PSD3: variants seen among roughly 807,000 people sequenced by gnomAD.
PSD3 encodes PH and SEC7 domain-containing protein 3.
A neutral mutation model predicts 105.5 loss-of-function variants in PSD3; 49 were observed. The observed-to-expected ratio is 0.46, with a 90% CI of 0.37 to 0.59. The LOEUF (loss-of-function observed/expected upper bound fraction) is 0.59. Among genes scored for constraint, PSD3 ranks in the 20% least tolerant of loss-of-function variants. The pLI, the probability that PSD3 is intolerant of heterozygous loss-of-function variation, is 0.00. For synonymous variants in PSD3, 557 were observed against 457.8 expected (o/e 1.22, Z -2.77); for missense variants, 1,561 against 1,263.8 (o/e 1.24, Z -3.57).
chr8:18,649,016 G>C (rs1408571285), intron 10 of PSD3, among the ~76,000 whole-genome samples: 1 of 152,258 alleles, frequency 6.6e-6, no homozygotes, highest in Non-Finnish European at 1.5e-5. Flanking sequence ...ATCTGCGGCA[G>C]GGGTGGAACC....
At chr8:18,916,378 A>ACACACACAC (rs71218909) in intron 2 of PSD3, among the ~76,000 whole-genome samples, 896 of 83,962 alleles carry the variant, frequency 0.011, 66 homozygotes, top group Non-Finnish European at 0.013. Flanking sequence ...ACACACACAC[A>ACACACACAC]AACAGAATAC....
chr8:18,826,206 C>T (rs575343275), intron 4 of PSD3, among the ~76,000 whole-genome samples: 5 of 152,196 alleles, frequency 3.3e-5, no homozygotes, highest in Non-Finnish European at 5.9e-5. Flanking sequence ...AGCTCTCTGT[C>T]GCTCAGGCCT....
chr8:18,970,543 C>A (rs979002169), intron 1 of PSD3, among the ~76,000 whole-genome samples: 1 of 152,058 alleles, frequency 6.6e-6, no homozygotes, highest in African/African-American at 2.4e-5. Context: ...CTTCCCATGT[C>A]CTAAATGCCA....
intron 1 of PSD3, among the ~76,000 whole-genome samples, chr8:19,031,579 T>C (rs1265287260): frequency 6.6e-6 from 1 of 152,054 alleles, no homozygotes; most frequent in Non-Finnish European, 1.5e-5. Context: ...ATCAAACACA[T>C]ATGTAGGTGA....
intron 9 of PSD3, among the ~76,000 whole-genome samples, chr8:18,717,411 A>G (rs552900742): frequency 1.3e-5 from 2 of 152,264 alleles, no homozygotes; most frequent in Admixed American, 1.3e-4. Context: ...TGCCAGGAGC[A>G]TTTATTACTG....
At chr8:18,800,169 T>C (rs1407560535) in intron 7 of PSD3, among the ~76,000 whole-genome samples, 1 of 152,152 alleles carries the variant, frequency 6.6e-6, no homozygotes, top group East Asian at 1.9e-4. Context: ...GCCAATTAAG[T>C]CACGAATCCA....
At chr8:18,808,880 A>G (rs1307304128) in intron 4 of PSD3, 21 of 1,584,904 alleles carry the variant, frequency 1.3e-5, no homozygotes, top group Non-Finnish European at 1.2e-5. Flanking sequence ...CGAGCCTCAC[A>G]GCCTTCCAAG....
intron 14 of PSD3, 32 bp downstream of exon 14, chr8:18,572,496 T>A (rs1327212717): frequency 1.3e-6 from 2 of 1,596,924 alleles, no homozygotes; most frequent in Non-Finnish European, 1.7e-6. Context: ...AAGTACTTTT[T>A]CCCAAGGTCA....
intron 2 of PSD3, among the ~76,000 whole-genome samples, chr8:18,920,904 G>C (rs886567327): frequency 1.3e-5 from 2 of 152,108 alleles, no homozygotes; most frequent in African/African-American, 4.8e-5. Context: ...TCAGGCTATA[G>C]TATTATTTTC....
At chr8:18,601,342 T>C (rs562046743) in intron 11 of PSD3, among the ~76,000 whole-genome samples, 3 of 149,188 alleles carry the variant, frequency 2.0e-5, no homozygotes, top group Non-Finnish European at 4.5e-5. Flanking sequence ...TTTCTAAACA[T>C]GTCTGCTGAA....
chr8:18,927,223 GT>G (rs889894563), intron 2 of PSD3, among the ~76,000 whole-genome samples: 1 of 151,898 alleles, frequency 6.6e-6, no homozygotes, highest in African/African-American at 2.4e-5. Flanking sequence ...TTTTTGTTTT[GT>G]TTTTTCTGAG....
rs533126972 is a variant in PSD3, at chr8:18,728,549, G to A, written c.2172+36900C>T. 1.3e-4 allele frequency among the ~76,000 whole-genome samples: 20 copies of A among 152,254 alleles called. No individual in the cohort carries two copies. In the South Asian group the frequency reaches 4.1e-3, roughly 32 times the overall value. Reference sequence around the variant, plus strand: ...TGGAGACTTAGAGGCAAGACAGAGTGTTTAGGAAAAGTGTTTGGGAATTGA... The same window carrying A: ...TGGAGACTTAGAGGCAAGACAGAGTATTTAGGAAAAGTGTTTGGGAATTGA... On this transcript the variant is annotated intron_variant, in intron 9 of 15. Coordinates refer to ENST00000327040, the MANE Select transcript of PSD3 (RefSeq NM_015310.4).
chr8:18,678,759 C>A (rs1284577305), intron 9 of PSD3, among the ~76,000 whole-genome samples: 1 of 152,066 alleles, frequency 6.6e-6, no homozygotes, highest in Non-Finnish European at 1.5e-5. Context: ...TTGCGGTGAG[C>A]CGAGATTGTG....
At chr8:18,619,646 A>C (rs183915552) in intron 11 of PSD3, among the ~76,000 whole-genome samples, 1 of 151,394 alleles carries the variant, frequency 6.6e-6, no homozygotes, top group East Asian at 1.9e-4. Context: ...CTCATCTCAA[A>C]AAAAAAAAAA....
At chr8:18,628,937 T>C (rs552463138) in intron 11 of PSD3, among the ~76,000 whole-genome samples, 2 of 152,014 alleles carry the variant, frequency 1.3e-5, no homozygotes, top group South Asian at 4.1e-4. Flanking sequence ...AGATTTAAAG[T>C]CAACTATACT....
At chr8:18,732,826 T>C (rs1803866419) in intron 9 of PSD3, 1 of 152,126 alleles carries the variant, frequency 6.6e-6, no homozygotes, top group Non-Finnish European at 1.5e-5. Context: ...CCTTTTTTTT[T>C]TATTTTTTTT....
chr8:18,729,540 G>A (rs555992794), intron 9 of PSD3, among the ~76,000 whole-genome samples: 1 of 152,198 alleles, frequency 6.6e-6, no homozygotes, highest in African/African-American at 2.4e-5. Context: ...ACCATAAAAC[G>A]AATAAACAAA....
chr8:18,554,585 G>C (rs1404853447), intron 15 of PSD3, among the ~76,000 whole-genome samples: 1 of 152,034 alleles, frequency 6.6e-6, no homozygotes, highest in East Asian at 1.9e-4. Flanking sequence ...TGCTACATTT[G>C]ATAACAGAAA....
At chr8:19,075,629 T>A (rs1291407301) in intron 1 of PSD3, among the ~76,000 whole-genome samples, 1 of 152,236 alleles carries the variant, frequency 6.6e-6, no homozygotes, top group Non-Finnish European at 1.5e-5. Context: ...TCTGACTCAA[T>A]GGAATAAAAA....
Sources: gnomAD v4.1 joint callset for allele counts (sites outside exome capture counted in the v4.1 genomes callset) on GRCh38, gnomAD v4.1.1 for gene constraint, MANE v1.5 for transcripts, NCBI Gene and HGNC (gene_info 2026-07-23, HGNC 2026-07-21) for gene names.